The following HERC4 variants were observed in gnomAD, a reference collection of about 807,000 sequenced individuals.
The protein encoded by HERC4 is HECT and RLD domain containing E3 ubiquitin protein ligase 4.
Under a neutral mutation model 124.3 loss-of-function variants are expected in HERC4, and 28 were observed. The ratio of observed to expected loss-of-function variants is 0.23; its 90% CI spans 0.17 to 0.31. The LOEUF (loss-of-function observed/expected upper bound fraction) is 0.31, where lower values mean the gene tolerates loss of function less well. Ranked by LOEUF, HERC4 falls within the 10% of genes least tolerant of loss-of-function variation. The pLI is 1.00. For missense variants in HERC4, 713 were observed against 1,229.3 expected, an observed-to-expected ratio of 0.58 and a Z score of 6.28; for synonymous variants, 407 against 421.5, an observed-to-expected ratio of 0.97 and a Z score of 0.42.
Position 68,052,700 on chromosome 10 carries a change from T to C in HERC4, c.227-8137A>G, listed in dbSNP as rs1178755138. 2.6e-5 allele frequency among the ~76,000 whole-genome samples: 4 copies of C among 152,346 alleles called. No individual in the cohort carries two copies. In the East Asian group the frequency reaches 7.7e-4, roughly 29 times the overall value. ...TCAATTAAGCTTGTGAAAATTCATA[T>C]AGAGTATCATCAACTCCAATTCATT... On this transcript the variant is annotated intron_variant, in intron 3 of 24. Transcript: ENST00000373700.
intron 14 of HERC4, among the ~76,000 whole-genome samples, chr10:67,989,199 T>C (rs1051341705): frequency 3.3e-5 from 5 of 152,108 alleles, no homozygotes; most frequent in Admixed American, 1.3e-4. Context: ...ATCCTTTAAA[T>C]TGTATTGCTC....
At chr10:68,070,040 T>C (rs1297917957) in intron 3 of HERC4, 28 of 963,718 alleles carry the variant, frequency 2.9e-5, no homozygotes, top group Admixed American at 6.2e-5. Flanking sequence ...AGACTCTGTC[T>C]CAAACAAAAC....
rs527301600 is a variant in HERC4 at position 68,031,878 on chromosome 10, G to A, written c.777+900C>T. ...AACTGATTCTCCTGCCTCAGCCTCC[G>A]GAGTAGCTGGGGATAGGTGCCTGCC... On this transcript the variant is annotated intron_variant, in intron 7 of 24. Transcript: ENST00000373700. Among the ~76,000 whole-genome samples, 6 of 151,932 alleles carry A rather than the reference G, an allele frequency of 3.9e-5. No homozygotes were observed. The East Asian group carries it at 5.8e-4, about 15-fold the overall frequency.
At position 67,960,939 on chromosome 10, in the gene HERC4, C is replaced by T. The variant is rs75333151; in HGVS notation, c.1927-3963G>A. On this transcript the variant is annotated intron_variant, in intron 16 of 24. Transcript: ENST00000373700. The stretch of plus-strand genomic sequence containing the variant: ...TGTTTATTGACCACTTCTTTCAAGT[C>T]ACTTGTCTGAACCTCTTGGATCATG... 7.1e-3 allele frequency: 2,333 copies of T among 328,358 alleles called. 55 individuals are homozygous for T. Among genetic ancestry groups the T allele is most frequent in the African/African-American group, 0.048 (2,126 of 43,966 alleles). The allele number at this position is 328,358 out of a possible 1,614,324, so 20.3% of individuals were successfully genotyped here. A position where few individuals can be genotyped will look rare whatever the true frequency, so the allele number is the denominator to read the frequency against.
intron 8 of HERC4, among the ~76,000 whole-genome samples, chr10:68,024,705 T>G (rs1321401805): frequency 6.6e-6 from 1 of 152,212 alleles, no homozygotes; most frequent in East Asian, 1.9e-4. Context: ...TGTATAGCTA[T>G]ACATACAAGG....
At chr10:67,941,669 C>CTTTTTTTTTTTTTT (rs755666986) in intron 19 of HERC4, among the ~76,000 whole-genome samples, 1 of 91,762 alleles carries the variant, frequency 1.1e-5, no homozygotes, top group African/African-American at 4.0e-5. Flanking sequence ...TAAAACACAA[C>CTTTTTTTTTTTTTT]TTTTTTTTTT....
intron 23 of HERC4, among the ~76,000 whole-genome samples, chr10:67,928,388 C>T (rs887562966): frequency 4.6e-5 from 7 of 152,140 alleles, no homozygotes; most frequent in African/African-American, 1.7e-4. Flanking sequence ...AATCTCCTTC[C>T]TGAAGGATTT....
intron 9 of HERC4, among the ~76,000 whole-genome samples, chr10:68,004,242 C>T (rs143222730): frequency 1.3e-5 from 2 of 152,274 alleles, no homozygotes; most frequent in East Asian, 3.9e-4. Flanking sequence ...TTGAGTTCAA[C>T]AGAGTTCAAC....
At chr10:67,992,466 G>A in intron 10 of HERC4, 140 bp downstream of exon 10, 1 of 1,204,326 alleles carries the variant, frequency 8.3e-7, no homozygotes, top group Non-Finnish European at 1.2e-6. Flanking sequence ...AAATAGATCA[G>A]AAAAAACTTA....
chr10:67,998,973 C>T lies in HERC4; in HGVS notation c.1070-6291G>A, dbSNP rs149838408. Among the ~76,000 whole-genome samples the T allele has an allele frequency of 2.8e-3, 424 of 152,244 alleles. 1 individual carries two copies. Among genetic ancestry groups the T allele is most frequent in the African/African-American group, 9.9e-3 (412 of 41,534 alleles). On this transcript the variant is annotated intron_variant, in intron 9 of 24. Coordinates refer to ENST00000373700, the MANE Select transcript of HERC4 (RefSeq NM_015601.4). ...CTCAAACTCCTGACCTCAGGTGATA[C>T]ACCCATCTCGGCCTCCCAAAATGCT...
At chr10:67,962,198 T>C (rs2034564967) in intron 16 of HERC4, among the ~76,000 whole-genome samples, 1 of 148,028 alleles carries the variant, frequency 6.8e-6, no homozygotes. Context: ...AAAAGTGTTA[T>C]TACTACTAAG....
intron 3 of HERC4, among the ~76,000 whole-genome samples, chr10:68,050,861 A>C (rs772581075): frequency 5.9e-5 from 9 of 152,196 alleles, no homozygotes; most frequent in Non-Finnish European, 1.2e-4. Flanking sequence ...AAATAAATGA[A>C]TCCAGCAAAA....
Position 68,044,424 on chromosome 10 carries a change from C to T in HERC4, c.366G>A (p.Glu122=). Residue 122 remains glutamate (E), a synonymous_variant, in exon 4 of 25, where the codon GAG becomes GAA. Coordinates refer to ENST00000373700, the MANE Select transcript of HERC4 (RefSeq NM_015601.4). ...SDGQLGLVGS[E]ECIRVPRNIK... Reference sequence around the variant, plus strand: ...GTTACCTGGGTACTCTGATGCATTCCTCTGATCCTACCAGGCCAAGCTGTC... The same window carrying T: ...GTTACCTGGGTACTCTGATGCATTCTTCTGATCCTACCAGGCCAAGCTGTC... The T allele has an allele frequency of 1.6e-5, 26 of 1,613,874 alleles. No homozygotes were observed. Among genetic ancestry groups the T allele is most frequent in the Non-Finnish European group, 2.0e-5 (24 of 1,179,948 alleles).
rs1412050881 is a variant in HERC4 at position 67,991,216 on chromosome 10, A to C, written c.1272-17T>G. The C allele has an allele frequency of 1.4e-6, 2 of 1,439,504 alleles. No individual in the cohort carries two copies. The highest frequency in any genetic ancestry group is 1.9e-6 in the Non-Finnish European group (2 of 1,066,268). The allele number at this position is 1,439,504 out of a possible 1,614,324, so 89.2% of individuals were successfully genotyped here. A position where few individuals can be genotyped will look rare whatever the true frequency, so the allele number is the denominator to read the frequency against. ...TCTATCTCACTAAAAAATTTAAAAA[A>C]GTTTTTTTAATCATAGAATCAGAAA... On this transcript the variant is annotated splice_polypyrimidine_tract_variant and intron_variant, in intron 11 of 24. Transcript: ENST00000373700.
intron 20 of HERC4, among the ~76,000 whole-genome samples, chr10:67,940,206 G>A (rs529861408): frequency 3.3e-5 from 5 of 152,188 alleles, no homozygotes; most frequent in South Asian, 4.1e-4. Context: ...GATTACAGGC[G>A]TGAGCCACCG....
chr10:67,948,521 A>C (rs1284878717), intron 19 of HERC4, among the ~76,000 whole-genome samples: 1 of 152,228 alleles, frequency 6.6e-6, no homozygotes, highest in Non-Finnish European at 1.5e-5. Context: ...AAATAAAAAA[A>C]CAGTAGATGT....
chr10:67,978,331 C>A (rs1257310488), intron 15 of HERC4, among the ~76,000 whole-genome samples: 1 of 152,246 alleles, frequency 6.6e-6, no homozygotes, highest in Non-Finnish European at 1.5e-5. Context: ...TGGCAGTACT[C>A]CCCACAGGCC....
chr10:68,013,207 CATA>C (rs2038071622), intron 9 of HERC4, among the ~76,000 whole-genome samples: 1 of 152,192 alleles, frequency 6.6e-6, no homozygotes, highest in South Asian at 2.1e-4. Flanking sequence ...TCTTTTAAGA[CATA>C]ATGTCATCAT....
intron 9 of HERC4, chr10:68,010,603 G>A (rs1353391166): frequency 4.6e-6 from 6 of 1,307,688 alleles, no homozygotes; most frequent in South Asian, 2.5e-5. Flanking sequence ...GCCTGCACGA[G>A]GGTTTCGGCT....
Sources: gnomAD v4.1 joint callset for allele counts (sites outside exome capture counted in the v4.1 genomes callset) on GRCh38, gnomAD v4.1.1 for gene constraint, MANE v1.5 for transcripts, NCBI Gene and HGNC (gene_info 2026-07-23, HGNC 2026-07-21) for gene names.